PRKN: variants seen among roughly 807,000 people sequenced by gnomAD.
PRKN encodes the protein E3 ubiquitin-protein ligase parkin.
Under a neutral mutation model 59.5 loss-of-function variants are expected in PRKN, and 56 were observed. That is an observed-to-expected ratio of 0.94 (90% CI 0.76 to 1.18). The LOEUF (loss-of-function observed/expected upper bound fraction) is 1.18, where lower values mean the gene tolerates loss of function less well. Ranked by LOEUF, PRKN falls within the 50% of genes most tolerant of loss-of-function variation. The pLI, the probability that PRKN is intolerant of heterozygous loss-of-function variation, is 0.00. For synonymous variants in PRKN, 250 were observed against 222.1 expected (o/e 1.13, Z -1.12); for missense variants, 657 against 596.4 (o/e 1.10, Z -1.06).
rs1339520217 is a variant in PRKN, at chr6:161,593,997, A to C, written c.872-24581T>G. Among the ~76,000 whole-genome samples the C allele has an allele frequency of 6.6e-6, 1 of 151,748 alleles. No homozygotes were observed. Among genetic ancestry groups the C allele is most frequent in the Non-Finnish European group, 1.5e-5 (1 of 67,942 alleles). On this transcript the variant is annotated intron_variant, in intron 7 of 11. Transcript: ENST00000366898. The surrounding 1 kb of genome is among the most constrained non-coding windows in gnomAD (Gnocchi z 4.8). ...AAACCCCATCTCTACTAAAAAAAAA[A>C]AACAAAAAACAAAAACCCAGCAGGG...
rs545447016 is a variant in PRKN, at chr6:161,401,064, G to C, written c.1084-14187C>G. On this transcript the variant is annotated intron_variant, in intron 9 of 11. Transcript: ENST00000366898. The surrounding 1 kb of genome is among the most constrained non-coding windows in gnomAD (Gnocchi z 4.4). ...ATTATAGAATGAGCTTAATAAACAC[G>C]AAGTCATAGAAATCCACCATTCACG... is the stretch of plus-strand genomic sequence containing the variant. Among the ~76,000 whole-genome samples the C allele has an allele frequency of 1.7e-4, 26 of 152,046 alleles. No individual in the cohort carries two copies. Among genetic ancestry groups the C allele is most frequent in the African/African-American group, 6.3e-4 (26 of 41,404 alleles).
intron 7 of PRKN, among the ~76,000 whole-genome samples, chr6:161,735,386 T>C (rs1481345903): frequency 1.3e-5 from 2 of 152,200 alleles, no homozygotes; most frequent in Non-Finnish European, 2.9e-5. Flanking sequence ...CTCTTCCCTA[T>C]GATTTTCTTA....
intron 9 of PRKN, among the ~76,000 whole-genome samples, chr6:161,408,176 C>T (rs370646620): frequency 7.9e-5 from 12 of 152,108 alleles, no homozygotes; most frequent in African/African-American, 2.7e-4. Flanking sequence ...AGGAAAAATT[C>T]GGCCGTGGGA....
intron 1 of PRKN, among the ~76,000 whole-genome samples, chr6:162,473,304 T>C (rs1484867060): frequency 1.3e-5 from 2 of 152,202 alleles, no homozygotes; most frequent in Non-Finnish European, 2.9e-5. Context: ...CCTTCTTCAC[T>C]GGTATTTTAG....
At chr6:162,420,592 T>C (rs1047767961) in intron 2 of PRKN, among the ~76,000 whole-genome samples, 2 of 152,140 alleles carry the variant, frequency 1.3e-5, no homozygotes, top group Non-Finnish European at 2.9e-5. Context: ...TTCTAGGAGA[T>C]TCGGATACAG....
intron 7 of PRKN, among the ~76,000 whole-genome samples, chr6:161,762,902 A>G (rs1789261077): frequency 6.6e-6 from 1 of 152,226 alleles, no homozygotes; most frequent in Non-Finnish European, 1.5e-5. Context: ...AGACAATTAT[A>G]CAAATGTATA....
chr6:162,198,301 C>T (rs1012186217), intron 4 of PRKN, among the ~76,000 whole-genome samples: 2 of 151,956 alleles, frequency 1.3e-5, no homozygotes, highest in Non-Finnish European at 2.9e-5. Flanking sequence ...TCCCAGGATG[C>T]TGGGCCTGGG....
At chr6:161,770,747 C>T (rs111798132) in intron 7 of PRKN, among the ~76,000 whole-genome samples, 4 of 152,092 alleles carry the variant, frequency 2.6e-5, no homozygotes, top group Admixed American at 6.5e-5. Flanking sequence ...GCATTACAGG[C>T]GGGAGTCACT....
At position 161,526,753 on chromosome 6, in the gene PRKN, G is replaced by C. The variant is rs1419794792; in HGVS notation, c.1083+22101C>G. 6.6e-6 allele frequency among the ~76,000 whole-genome samples: 1 copy of C among 152,142 alleles called. No homozygotes were observed. The highest frequency in any genetic ancestry group is 1.5e-5 in the Non-Finnish European group (1 of 68,026). On this transcript the variant is annotated intron_variant, in intron 9 of 11. Coordinates refer to ENST00000366898, the MANE Select transcript of PRKN (RefSeq NM_004562.3). This position sits in a 1 kb window ranked among gnomAD's most constrained non-coding sequence, Gnocchi z 4.1. ...CTTTATCCTCTGAAGGTTCGATAAT[G>C]TAGTCTATGAAATAAACTGACAGTA...
At chr6:162,395,565 T>C (rs1331515111) in intron 2 of PRKN, among the ~76,000 whole-genome samples, 1 of 152,078 alleles carries the variant, frequency 6.6e-6, no homozygotes, top group African/African-American at 2.4e-5. Context: ...TCTCCACAAT[T>C]CCAGACCTAC....
chr6:162,073,152 A>C (rs1012544578), intron 4 of PRKN, among the ~76,000 whole-genome samples: 6 of 152,216 alleles, frequency 3.9e-5, no homozygotes, highest in Admixed American at 6.5e-5. Context: ...GATAGTAGTA[A>C]ATGAATGAAT....
chr6:162,587,830 G>A (rs1020602236), intron 1 of PRKN, among the ~76,000 whole-genome samples: 1 of 151,924 alleles, frequency 6.6e-6, no homozygotes, highest in South Asian at 2.1e-4. Context: ...CAAAATGAAA[G>A]CTTTACTCAT....
At chr6:162,437,674 A>T (rs950613121) in intron 2 of PRKN, among the ~76,000 whole-genome samples, 5 of 152,176 alleles carry the variant, frequency 3.3e-5, no homozygotes, top group African/African-American at 1.2e-4. Flanking sequence ...AAATAAAATT[A>T]TTCAGTGTAC....
rs1788482772 is a variant in PRKN, at chr6:161,428,256, CAA to C, written c.1084-41381_1084-41380del. ...GGCTTAAAAGAATCCAATCCTTTAT[CAA>C]AAGACTCCAGCATTTTTCCTTCCAT... On this transcript the variant is annotated intron_variant, in intron 9 of 11. Coordinates refer to ENST00000366898, the MANE Select transcript of PRKN (RefSeq NM_004562.3). This position sits in a 1 kb window ranked among gnomAD's most constrained non-coding sequence, Gnocchi z 4.0. Among the ~76,000 whole-genome samples the C allele has an allele frequency of 6.6e-6, 1 of 152,296 alleles. No homozygotes were observed. The highest frequency in any genetic ancestry group is 6.5e-5 in the Admixed American group (1 of 15,290).
chr6:161,763,007 C>G (rs1271096101), intron 7 of PRKN, among the ~76,000 whole-genome samples: 4 of 151,936 alleles, frequency 2.6e-5, no homozygotes, highest in Non-Finnish European at 5.9e-5. Flanking sequence ...GAAATAAAAC[C>G]CAGAATAGAT....
At chr6:161,824,714 A>T (rs1334847036) in intron 6 of PRKN, among the ~76,000 whole-genome samples, 1 of 152,244 alleles carries the variant, frequency 6.6e-6, no homozygotes, top group Non-Finnish European at 1.5e-5. Context: ...TGCGTGTAGC[A>T]ATGAACAGGC....
At chr6:162,361,368 G>C (rs1674031068) in intron 2 of PRKN, among the ~76,000 whole-genome samples, 1 of 152,052 alleles carries the variant, frequency 6.6e-6, no homozygotes, top group African/African-American at 2.4e-5. Flanking sequence ...TCACGAGGAT[G>C]AGGTCACAAG....
intron 2 of PRKN, among the ~76,000 whole-genome samples, chr6:162,359,554 C>T (rs1344920333): frequency 6.6e-6 from 1 of 150,666 alleles, no homozygotes; most frequent in Non-Finnish European, 1.5e-5. Context: ...TTAAGTATTC[C>T]TTTTTCTTTG....
intron 1 of PRKN, among the ~76,000 whole-genome samples, chr6:162,687,188 CTTTTTT>C: frequency 7.4e-6 from 1 of 134,630 alleles, no homozygotes; most frequent in Non-Finnish European, 1.6e-5. Context: ...GCCTCTTTTT[CTTTTTT>C]TTTTTTTTTG....
Sources: allele counts gnomAD v4.1 joint callset (sites outside exome capture counted in the v4.1 genomes callset), GRCh38; gene constraint gnomAD v4.1.1; non-coding constraint Gnocchi (gnomAD v3.1); transcripts MANE v1.5; gene names NCBI Gene and HGNC (gene_info 2026-07-23, HGNC 2026-07-21).